ADAM18: variants seen among roughly 807,000 people sequenced by gnomAD.
The protein encoded by ADAM18 is ADAM metallopeptidase domain 18, also known as disintegrin and metalloproteinase domain-containing protein 18.
In ADAM18, 117 loss-of-function variants were observed where a neutral mutation model predicts 94.4. The ratio of observed to expected loss-of-function variants is 1.24; its 90% CI spans 1.07 to 1.45. ADAM18 has a LOEUF of 1.45. Ranked by LOEUF, ADAM18 falls within the 40% of genes most tolerant of loss-of-function variation. The probability of loss-of-function intolerance (pLI) is 0.00; values close to 1 mark genes in which losing one functional copy is unlikely to be tolerated. For synonymous variants in ADAM18, 327 were observed against 291.6 expected (o/e 1.12, Z -1.24); for missense variants, 936 against 880.0 (o/e 1.06, Z -0.81).
chr8:39,680,118 A>G lies in ADAM18; in HGVS notation c.1713A>G (p.Ser571=), dbSNP rs766465719. 12 of 1,613,782 alleles carry G rather than the reference A, an allele frequency of 7.4e-6. No individual in the cohort carries two copies. The highest frequency in any genetic ancestry group is 5.0e-5 in the Admixed American group (3 of 59,934). Residue 571 remains serine, a synonymous_variant, in exon 16 of 20, where the codon TCA becomes TCG. Coordinates refer to ENST00000265707, the MANE Select transcript of ADAM18 (RefSeq NM_014237.3). The part of the protein sequence containing the change: ...NKSDAQSTVY[S]YIQDHVCVSI... ...GTGACGCTCAATCTACAGTTTATTC[A>G]TATATTCAAGACCATGTATGTGTAT...
intron 6 of ADAM18, among the ~76,000 whole-genome samples, chr8:39,612,768 A>G (rs1819315991): frequency 6.6e-6 from 1 of 152,082 alleles, no homozygotes. Context: ...CAGATGCCCA[A>G]CCTGAATGCT....
chr8:39,645,533 G>T, intron 11 of ADAM18, 59 bp downstream of exon 11: 1 of 1,510,918 alleles, frequency 6.6e-7, no homozygotes, highest in East Asian at 2.5e-5. Context: ...TCCAAAATGT[G>T]ATAATGTTTT....
Position 39,611,185 on chromosome 8 carries a change from T to C in ADAM18, c.522+479T>C, listed in dbSNP as rs1021081923. ...TTGAATATTTCAATCCATCACCATGTGGCCTCTGTTTTTTCTGATAAAAAT... is the reference window on the plus strand; with the variant it reads ...TTGAATATTTCAATCCATCACCATGCGGCCTCTGTTTTTTCTGATAAAAAT... On this transcript the variant is annotated intron_variant, in intron 6 of 19. Coordinates refer to ENST00000265707, the MANE Select transcript of ADAM18 (RefSeq NM_014237.3). 4 of 746,280 alleles carry C rather than the reference T, an allele frequency of 5.4e-6. No homozygotes were observed. In the Admixed American group the frequency reaches 1.9e-4, roughly 35 times the overall value. The allele number at this position is 746,280 out of a possible 1,614,324, so 46.2% of individuals were successfully genotyped here.
chr8:39,609,097 C>T lies in ADAM18; in HGVS notation c.244C>T (p.His82Tyr). ...VYTYNETGSL[H>Y]SVSPYFMMHC... ...TACATATAATGAAACTGGATCTTTG[C>T]ATTCTGTGTCTCCATATTTTATGGT... The change falls in exon 4 of 20, where the codon CAT becomes TAT. Residue 82 changes from histidine (H) to tyrosine (Y), a missense_variant. His to Tyr is a moderately conservative substitution (Grantham distance 83). Transcript: ENST00000265707. 6.3e-7 allele frequency: 1 copy of T among 1,591,782 alleles called. No individual in the cohort carries two copies. Among genetic ancestry groups the T allele is most frequent in the Non-Finnish European group, 8.6e-7 (1 of 1,168,970 alleles).
At chr8:39,599,698 A>G (rs1403071831) in intron 2 of ADAM18, among the ~76,000 whole-genome samples, 1 of 152,100 alleles carries the variant, frequency 6.6e-6, no homozygotes, top group Non-Finnish European at 1.5e-5. Flanking sequence ...TGTAAATTCC[A>G]TTTTTATTGC....
In ADAM18 at chr8:39,585,313, G is replaced by T; in HGVS notation, c.93G>T (p.Arg31=). 6.2e-7 allele frequency: 1 copy of T among 1,613,666 alleles called. No individual in the cohort carries two copies. Among genetic ancestry groups the T allele is most frequent in the Non-Finnish European group, 8.5e-7 (1 of 1,179,824 alleles). The change falls in exon 2 of 20, where the codon CGG becomes CGT. Residue 31 remains arginine, a synonymous_variant. Transcript: ENST00000265707. ...TATTTCTGCATGTCACAGTTCCACGGAAGATTAAGTCAAATGACAGTGAAG... is the reference window on the plus strand; with the variant it reads ...TATTTCTGCATGTCACAGTTCCACGTAAGATTAAGTCAAATGACAGTGAAG... The part of the protein sequence containing the change: ...EGIFLHVTVP[R]KIKSNDSEVS...
intron 14 of ADAM18, among the ~76,000 whole-genome samples, chr8:39,671,529 G>T (rs1357065556): frequency 6.6e-6 from 1 of 152,178 alleles, no homozygotes; most frequent in African/African-American, 2.4e-5. Flanking sequence ...CTCTATATAA[G>T]TTTGAATTCC....
intron 18 of ADAM18, among the ~76,000 whole-genome samples, chr8:39,717,595 A>G (rs1294227210): frequency 6.6e-6 from 1 of 151,712 alleles, no homozygotes; most frequent in Non-Finnish European, 1.5e-5. Flanking sequence ...ATCTTACACC[A>G]TACATACAGA....
intron 16 of ADAM18, among the ~76,000 whole-genome samples, chr8:39,687,739 G>A (rs576992328): frequency 1.1e-4 from 17 of 152,234 alleles, no homozygotes; most frequent in Admixed American, 7.2e-4. Context: ...TTCTGTTCCT[G>A]CATTAGTTTG....
intron 18 of ADAM18, among the ~76,000 whole-genome samples, chr8:39,707,398 A>T (rs997780245): frequency 6.6e-6 from 1 of 152,212 alleles, no homozygotes; most frequent in African/African-American, 2.4e-5. Flanking sequence ...CTACAGGTTC[A>T]AATGTCTTCT....
intron 7 of ADAM18, among the ~76,000 whole-genome samples, chr8:39,632,687 C>G (rs199534296): frequency 6.6e-6 from 1 of 152,012 alleles, no homozygotes; most frequent in South Asian, 2.1e-4. Flanking sequence ...AGTGAGTTTT[C>G]TTCTTCTTAT....
At chr8:39,626,874 TC>T (rs1819784064) in intron 6 of ADAM18, among the ~76,000 whole-genome samples, 1 of 152,102 alleles carries the variant, frequency 6.6e-6, no homozygotes, top group African/African-American at 2.4e-5. Flanking sequence ...AGAATATAGT[TC>T]TTGGGTAGAA....
At chr8:39,655,781 T>C (rs1820666681) in intron 12 of ADAM18, among the ~76,000 whole-genome samples, 1 of 151,956 alleles carries the variant, frequency 6.6e-6, no homozygotes, top group Non-Finnish European at 1.5e-5. Flanking sequence ...TAAATGAATT[T>C]ATCGAGGTCA....
chr8:39,723,734 T>C lies in ADAM18; in HGVS notation c.2018-14T>C, dbSNP rs1822823009. On this transcript the variant is annotated splice_polypyrimidine_tract_variant and intron_variant, in intron 18 of 19. Coordinates refer to ENST00000265707, the MANE Select transcript of ADAM18 (RefSeq NM_014237.3). ...ACTGAGTCCCCACTAATTTATCATA[T>C]GATTCATTTCTAGGTGACTTTTATA... The C allele has an allele frequency of 6.9e-7, 1 of 1,446,262 alleles. No homozygotes were observed. The highest frequency in any genetic ancestry group is 9.1e-7 in the Non-Finnish European group (1 of 1,093,912). The allele number at this position is 1,446,262 out of a possible 1,614,324, so 89.6% of individuals were successfully genotyped here.
intron 19 of ADAM18, among the ~76,000 whole-genome samples, chr8:39,724,713 T>C (rs1822852094): frequency 6.6e-6 from 1 of 151,946 alleles, no homozygotes; most frequent in Admixed American, 6.6e-5. Context: ...AATTTTCCCT[T>C]AGGCTTAGCT....
At chr8:39,605,699 TTTTTA>T (rs907684468) in intron 2 of ADAM18, 14 of 231,528 alleles carry the variant, frequency 6.0e-5, no homozygotes, top group Non-Finnish European at 7.9e-5. Context: ...GTACTTTTCA[TTTTTA>T]TTTTATTTTA....
chr8:39,641,288 C>A (rs373645371), intron 10 of ADAM18, among the ~76,000 whole-genome samples: 1 of 151,586 alleles, frequency 6.6e-6, no homozygotes, highest in Non-Finnish European at 1.5e-5. Flanking sequence ...TGTTTTTGTT[C>A]GATCAGACAG....
At chr8:39,721,614 A>G (rs1822751057) in intron 18 of ADAM18, among the ~76,000 whole-genome samples, 6 of 151,720 alleles carry the variant, frequency 4.0e-5, no homozygotes. Flanking sequence ...ATGAACAGAC[A>G]CTTTACAAAA....
chr8:39,599,524 G>A (rs1193442472), intron 2 of ADAM18, among the ~76,000 whole-genome samples: 1 of 152,034 alleles, frequency 6.6e-6, no homozygotes, highest in East Asian at 1.9e-4. Context: ...TCGATTCAAT[G>A]TCTTTAATAG....
Sources: gnomAD v4.1 joint callset for allele counts (sites outside exome capture counted in the v4.1 genomes callset) on GRCh38, gnomAD v4.1.1 for gene constraint, MANE v1.5 for transcripts, NCBI Gene and HGNC (gene_info 2026-07-23, HGNC 2026-07-21) for gene names.